The following MCC variants were observed in gnomAD, a reference collection of about 807,000 sequenced individuals.
MCC encodes MCC regulator of Wnt signaling pathway.
In MCC, 90 loss-of-function variants were observed where a neutral mutation model predicts 116.2. The ratio of observed to expected loss-of-function variants is 0.77; its 90% CI spans 0.65 to 0.92. The LOEUF is 0.92. Among genes scored for constraint, MCC ranks in the 40% least tolerant of loss-of-function variants. The pLI, the probability that MCC is intolerant of heterozygous loss-of-function variation, is 0.00. For synonymous variants in MCC, 578 were observed against 510.5 expected (o/e 1.13, Z -1.78); for missense variants, 1,516 against 1,312.2 (o/e 1.16, Z -2.40).
chr5:113,444,274 G>C (rs931451278), intron 1 of MCC, among the ~76,000 whole-genome samples: 1 of 152,170 alleles, frequency 6.6e-6, no homozygotes, highest in African/African-American at 2.4e-5. Context: ...AGGAACCAAA[G>C]AGTCTGAGGG....
chr5:113,029,646 A>G (rs1385556993), intron 17 of MCC, among the ~76,000 whole-genome samples: 3 of 152,176 alleles, frequency 2.0e-5, no homozygotes, highest in African/African-American at 7.2e-5. Flanking sequence ...AGCAGCTTCA[A>G]GTTCTGTGGA....
At chr5:113,112,504 C>T (rs1231295995) in intron 6 of MCC, among the ~76,000 whole-genome samples, 1 of 152,210 alleles carries the variant, frequency 6.6e-6, no homozygotes, top group Non-Finnish European at 1.5e-5. Context: ...TTCCTGAGGC[C>T]TCCCCAGTCA....
At chr5:113,244,180 C>T in intron 3 of MCC, among the ~76,000 whole-genome samples, 1 of 152,274 alleles carries the variant, frequency 6.6e-6, no homozygotes, top group Middle Eastern at 3.4e-3. Flanking sequence ...GAACATGCCT[C>T]TCTCACCCCC....
intron 3 of MCC, among the ~76,000 whole-genome samples, chr5:113,320,452 CAA>C (rs5870537): frequency 5.3e-5 from 7 of 132,428 alleles, no homozygotes; most frequent in Admixed American, 1.5e-4. Context: ...AGACTCATTG[CAA>C]AAAAAAAAAA....
chr5:113,135,962 T>C (rs955755238), intron 5 of MCC, among the ~76,000 whole-genome samples: 1 of 151,852 alleles, frequency 6.6e-6, no homozygotes, highest in African/African-American at 2.4e-5. Flanking sequence ...CGAGAATCAC[T>C]TGAACTCAGG....
chr5:113,307,330 C>A (rs1434837914), intron 3 of MCC, among the ~76,000 whole-genome samples: 3 of 152,116 alleles, frequency 2.0e-5, no homozygotes, highest in African/African-American at 7.2e-5. Flanking sequence ...TTTTCAATGG[C>A]ATTTTGTAGT....
At chr5:113,247,213 G>C (rs1373167659) in intron 3 of MCC, among the ~76,000 whole-genome samples, 1 of 152,210 alleles carries the variant, frequency 6.6e-6, no homozygotes, top group Admixed American at 6.5e-5. Flanking sequence ...CAGGAATCCA[G>C]AAGTGGGGGT....
intron 17 of MCC, among the ~76,000 whole-genome samples, chr5:113,036,012 C>CTTTTTTTTTTTTTTTTTTTTTT (rs771378295): frequency 1.6e-5 from 1 of 62,904 alleles, no homozygotes; most frequent in African/African-American, 6.5e-5. Context: ...GGATGAGGAA[C>CTTTTTTTTTTTTTTTTTTTTTT]TTTTTTTTTT....
chr5:113,428,642 T>G (rs1410372027), intron 1 of MCC: 1 of 152,196 alleles, frequency 6.6e-6, no homozygotes, highest in South Asian at 2.1e-4. Context: ...TAATCCTGCT[T>G]CCTTCACTCC....
chr5:113,179,530 G>C (rs1016769176), intron 3 of MCC, among the ~76,000 whole-genome samples: 1 of 152,178 alleles, frequency 6.6e-6, no homozygotes. Flanking sequence ...TTGTGGTTGT[G>C]TGTTGATCCT....
Position 113,434,904 on chromosome 5 carries a change from G to A in MCC, c.171-49692C>T. The A allele has an allele frequency of 2.0e-6, 3 of 1,538,002 alleles. No individual in the cohort carries two copies. Among genetic ancestry groups the A allele is most frequent in the Non-Finnish European group, 1.8e-6 (2 of 1,141,530 alleles). ...CAGCCCCGAGGCGCATGGGCCAGCA[G>A]TGTGCTCATTTACATCCTGGATAGA... On this transcript the variant is annotated intron_variant, in intron 1 of 18. Coordinates refer to ENST00000408903, the MANE Select transcript of MCC (RefSeq NM_001085377.2). This position sits in a 1 kb window ranked among gnomAD's most constrained non-coding sequence, Gnocchi z 4.2.
At chr5:113,483,363 T>C (rs1305109733) in intron 1 of MCC, among the ~76,000 whole-genome samples, 2 of 152,206 alleles carry the variant, frequency 1.3e-5, no homozygotes, top group East Asian at 1.9e-4. Flanking sequence ...TTGGGAAGTA[T>C]TGCCATCTTA....
In MCC at chr5:113,071,212, G is replaced by A; in HGVS notation, c.1807C>T (p.Gln603Ter). 1 of 1,613,970 alleles carries A rather than the reference G, an allele frequency of 6.2e-7. No homozygotes were observed. The highest frequency in any genetic ancestry group is 2.2e-5 in the East Asian group (1 of 44,880). The change falls in exon 12 of 19, where the codon CAA becomes TAA. Residue 603 changes from glutamine to a stop codon, truncating the protein, a stop_gained. Transcript: ENST00000408903. LOFTEE classifies it high-confidence loss of function. ...LNSRIEHLKS[Q>*]NDLLTITLEE... ...AAGGTTATGGTCAGGAGGTCATTTT[G>A]GGATTTGAGGTGCTCAATCCGGCTA...
At chr5:113,208,472 T>C (rs1762999392) in intron 3 of MCC, among the ~76,000 whole-genome samples, 1 of 152,102 alleles carries the variant, frequency 6.6e-6, no homozygotes. Context: ...TGCTGCCCCG[T>C]ATAAAAAAAT....
chr5:113,445,950 T>A (rs1771203738), intron 1 of MCC, among the ~76,000 whole-genome samples: 1 of 152,024 alleles, frequency 6.6e-6, no homozygotes, highest in South Asian at 2.1e-4. Context: ...AAGCTGCACA[T>A]CAACAGTCGT....
chr5:113,098,110 C>T (rs1431121322), intron 8 of MCC, among the ~76,000 whole-genome samples: 3 of 152,164 alleles, frequency 2.0e-5, no homozygotes, highest in African/African-American at 7.2e-5. Context: ...TATGGTTCAG[C>T]GGGACACAGT....
chr5:113,034,496 G>T (rs927979605), intron 17 of MCC, among the ~76,000 whole-genome samples: 1 of 152,198 alleles, frequency 6.6e-6, no homozygotes, highest in South Asian at 2.1e-4. Context: ...GGAGTCATCG[G>T]GCGAGAGCCC....
chr5:113,086,819 C>A (rs1389719467), intron 8 of MCC, among the ~76,000 whole-genome samples: 1 of 151,708 alleles, frequency 6.6e-6, no homozygotes, highest in South Asian at 2.1e-4. Context: ...TAAGACAGGG[C>A]TTTCTAAACA....
At chr5:113,372,771 G>A (rs67693032) in intron 2 of MCC, among the ~76,000 whole-genome samples, 20,930 of 152,114 alleles carry the variant, frequency 0.14, 1,773 homozygotes, top group Non-Finnish European at 0.2. Flanking sequence ...AGCTCACTGT[G>A]GCCTTTAACT....
Sources: gnomAD v4.1 joint callset for allele counts (sites outside exome capture counted in the v4.1 genomes callset) on GRCh38, gnomAD v4.1.1 for gene constraint, Gnocchi (gnomAD v3.1) non-coding constraint, MANE v1.5 for transcripts, NCBI Gene and HGNC (gene_info 2026-07-23, HGNC 2026-07-21) for gene names.